SIL1: variants seen among roughly 807,000 people sequenced by gnomAD.
SIL1 encodes the protein nucleotide exchange factor SIL1.
Under a neutral mutation model 49.1 loss-of-function variants are expected in SIL1, and 40 were observed. The observed-to-expected ratio is 0.81, with a 90% CI of 0.63 to 1.06. The LOEUF is 1.06. SIL1 is among the 50% of genes least tolerant of loss of function. The pLI, the probability that SIL1 is intolerant of heterozygous loss-of-function variation, is 0.00. For missense variants in SIL1, 500 were observed against 572.6 expected, an observed-to-expected ratio of 0.87 and a Z score of 1.29; for synonymous variants, 253 against 250.8, an observed-to-expected ratio of 1.01 and a Z score of -0.08.
At chr5:139,020,820 C>T (rs1768506573) in intron 7 of SIL1, among the ~76,000 whole-genome samples, 1 of 152,184 alleles carries the variant, frequency 6.6e-6, no homozygotes, top group Non-Finnish European at 1.5e-5. Context: ...ATTTATTCGT[C>T]ACTAGATGTA....
intron 3 of SIL1, among the ~76,000 whole-genome samples, chr5:139,108,653 G>A (rs966585872): frequency 3.9e-5 from 6 of 152,180 alleles, no homozygotes; most frequent in African/African-American, 1.2e-4. Context: ...CTCTGGCAAC[G>A]CTAATGTGTT....
chr5:139,125,715 G>A (rs895030010), intron 2 of SIL1, among the ~76,000 whole-genome samples: 4 of 152,158 alleles, frequency 2.6e-5, no homozygotes, highest in Non-Finnish European at 5.9e-5. Context: ...CTCAGAAAGG[G>A]TCAAATTGCC....
Position 138,972,942 on chromosome 5 carries a change from A to G in SIL1, c.768-21058T>C, listed in dbSNP as rs572917542. 3.9e-5 allele frequency among the ~76,000 whole-genome samples: 6 copies of G among 152,254 alleles called. No individual in the cohort carries two copies. The South Asian group carries it at 1.2e-3, about 32-fold the overall frequency. On this transcript the variant is annotated intron_variant, in intron 7 of 9. Transcript: ENST00000394817. ...GGGCAATAAGAGCAGAAGGGAGGAC[A>G]ACCCAGGGCTGAGGCCCCAGTGATG...
At chr5:139,143,350 T>C (rs904646996) in intron 1 of SIL1, among the ~76,000 whole-genome samples, 11 of 145,852 alleles carry the variant, frequency 7.5e-5, no homozygotes, top group South Asian at 2.2e-4. Context: ...CACACATATA[T>C]ATATATATAT....
chr5:139,166,623 T>G (rs890513334), intron 1 of SIL1, among the ~76,000 whole-genome samples: 1 of 152,188 alleles, frequency 6.6e-6, no homozygotes, highest in Non-Finnish European at 1.5e-5. Context: ...TGCCATTGCA[T>G]TACAGCCTGG....
chr5:139,141,023 TC>T (rs1283503448), intron 1 of SIL1, among the ~76,000 whole-genome samples: 1 of 151,776 alleles, frequency 6.6e-6, no homozygotes, highest in African/African-American at 2.4e-5. Flanking sequence ...TGCCAAGACG[TC>T]CCCCCGCATT....
chr5:139,105,882 GC>G (rs1480928627), intron 3 of SIL1, among the ~76,000 whole-genome samples: 1 of 152,238 alleles, frequency 6.6e-6, no homozygotes, highest in African/African-American at 2.4e-5. Flanking sequence ...CCGGCACAAG[GC>G]AATTTCTCTC....
intron 1 of SIL1, among the ~76,000 whole-genome samples, chr5:139,132,504 GGA>G: frequency 6.6e-6 from 1 of 152,274 alleles, no homozygotes; most frequent in East Asian, 1.9e-4. Context: ...CACAAAACAG[GGA>G]GAGAGAATGA....
At chr5:139,083,083 G>T (rs969095794) in intron 3 of SIL1, among the ~76,000 whole-genome samples, 1 of 152,302 alleles carries the variant, frequency 6.6e-6, no homozygotes, top group East Asian at 1.9e-4. Context: ...AAGAAGCAGG[G>T]AATAAAGCAA....
At chr5:139,064,619 G>A (rs1187654693) in intron 3 of SIL1, among the ~76,000 whole-genome samples, 2 of 152,304 alleles carry the variant, frequency 1.3e-5, no homozygotes, top group East Asian at 1.9e-4. Flanking sequence ...GTTTTGGATC[G>A]TTGGTATTGA....
chr5:139,029,769 G>T (rs1305334194), intron 5 of SIL1, among the ~76,000 whole-genome samples: 1 of 151,850 alleles, frequency 6.6e-6, no homozygotes, highest in East Asian at 2.0e-4. Flanking sequence ...AAAGTGCTGA[G>T]ATTACAGATG....
intron 3 of SIL1, among the ~76,000 whole-genome samples, chr5:139,081,200 T>G (rs1770067525): frequency 6.6e-6 from 1 of 152,160 alleles, no homozygotes; most frequent in African/African-American, 2.4e-5. Flanking sequence ...TCAAGAATAA[T>G]GAAGGTGAGA....
chr5:139,173,739 G>T (rs888807906), intron 1 of SIL1, among the ~76,000 whole-genome samples: 1 of 144,888 alleles, frequency 6.9e-6, no homozygotes, highest in East Asian at 2.0e-4. Flanking sequence ...GAGGTCAGGA[G>T]ATCGAGACCA....
At chr5:139,176,583 G>A (rs577794903) in intron 1 of SIL1, among the ~76,000 whole-genome samples, 2 of 152,334 alleles carry the variant, frequency 1.3e-5, no homozygotes, top group South Asian at 2.1e-4. Context: ...AGGCTTGGAA[G>A]TCCAAGAACA....
intron 7 of SIL1, among the ~76,000 whole-genome samples, chr5:138,993,430 A>G (rs11955952): frequency 0.44 from 66,709 of 152,080 alleles, 15,849 homozygotes; most frequent in African/African-American, 0.64. Context: ...ATTTTCTGTC[A>G]CTTCCAGAAA....
At chr5:139,094,005 A>T (rs955642998) in intron 3 of SIL1, 1 of 152,212 alleles carries the variant, frequency 6.6e-6, no homozygotes, top group African/African-American at 2.4e-5. Flanking sequence ...GGAGGGTATC[A>T]TCATAAACCA....
At chr5:139,184,092 T>C (rs562195843) in intron 1 of SIL1, among the ~76,000 whole-genome samples, 44 of 152,312 alleles carry the variant, frequency 2.9e-4, no homozygotes, top group African/African-American at 1.0e-3. Flanking sequence ...TGATCCCCTT[T>C]TTCCAGAGAG....
At chr5:139,125,629 T>C (rs1750736998) in intron 2 of SIL1, among the ~76,000 whole-genome samples, 1 of 152,204 alleles carries the variant, frequency 6.6e-6, no homozygotes, top group African/African-American at 2.4e-5. Context: ...AGGTGCTTTA[T>C]ATATAATCAT....
chr5:139,156,516 G>GA (rs914988247), intron 1 of SIL1, among the ~76,000 whole-genome samples: 6 of 149,986 alleles, frequency 4.0e-5, no homozygotes, highest in African/African-American at 7.4e-5. Context: ...GAGGGAATAA[G>GA]AAAAAAAAAG....
Sources: gnomAD v4.1 joint callset for allele counts (sites outside exome capture counted in the v4.1 genomes callset) on GRCh38, gnomAD v4.1.1 for gene constraint, MANE v1.5 for transcripts, NCBI Gene and HGNC (gene_info 2026-07-23, HGNC 2026-07-21) for gene names.